CADM1: variants seen among roughly 807,000 people sequenced by gnomAD.
CADM1 encodes the protein TSLC-1.
In CADM1, 15 loss-of-function variants were observed where a neutral mutation model predicts 53.1. That is an observed-to-expected ratio of 0.28 (90% confidence interval 0.19 to 0.44). The LOEUF is 0.44. CADM1 is among the 20% of genes least tolerant of loss of function. CADM1 has a pLI of 1.00. For synonymous variants in CADM1, 281 were observed against 243.0 expected (o/e 1.16, Z -1.45); for missense variants, 434 against 611.3 (o/e 0.71, Z 3.06).
chr11:115,461,766 G>C (rs949556450), intron 1 of CADM1, among the ~76,000 whole-genome samples: 1 of 152,210 alleles, frequency 6.6e-6, no homozygotes, highest in Non-Finnish European at 1.5e-5. Flanking sequence ...CTTGGGAAGT[G>C]AGATAGTGAA....
chr11:115,431,644 A>G (rs1431326365), intron 1 of CADM1, among the ~76,000 whole-genome samples: 1 of 152,038 alleles, frequency 6.6e-6, no homozygotes, highest in Middle Eastern at 3.4e-3. Context: ...CTCTGCCCAG[A>G]TCTCTGACTC....
rs1443607606 is a variant in CADM1, at chr11:115,417,994, A to G, written c.124+86277T>C. Among the ~76,000 whole-genome samples, 10 of 152,326 alleles carry G rather than the reference A, an allele frequency of 6.6e-5. 1 individual carries two copies. The South Asian group carries it at 2.1e-3, about 32-fold the overall frequency. On this transcript the variant is annotated intron_variant, in intron 1 of 11. Coordinates refer to ENST00000331581, the MANE Select transcript of CADM1 (RefSeq NM_001301043.2). ...CACATTATGGTTTGGGTCTGACTAT[A>G]TAACATCTAATTCAGATGCGGATAA...
At chr11:115,278,942 G>A (rs1943515705) in intron 1 of CADM1, among the ~76,000 whole-genome samples, 1 of 152,196 alleles carries the variant, frequency 6.6e-6, no homozygotes, top group Non-Finnish European at 1.5e-5. Flanking sequence ...TACTGCCGAA[G>A]ATGGGAAGCC....
chr11:115,347,591 A>G (rs917860201), intron 1 of CADM1, among the ~76,000 whole-genome samples: 1 of 152,178 alleles, frequency 6.6e-6, no homozygotes, highest in Non-Finnish European at 1.5e-5. Context: ...CCTTTTTGAC[A>G]TGCAAGAAGA....
chr11:115,486,591 C>A (rs759528726), intron 1 of CADM1, among the ~76,000 whole-genome samples: 6 of 152,150 alleles, frequency 3.9e-5, no homozygotes, highest in Non-Finnish European at 5.9e-5. Context: ...GCAATCCTCC[C>A]ACCTAGGCCT....
chr11:115,239,713 G>GT (rs34524829), intron 2 of CADM1, among the ~76,000 whole-genome samples: 30,097 of 142,834 alleles, frequency 0.21, 3,339 homozygotes, highest in South Asian at 0.36. Context: ...ACAGTTTTTG[G>GT]TTTTTTTTTT....
intron 9 of CADM1, among the ~76,000 whole-genome samples, chr11:115,196,967 G>C (rs1940188551): frequency 6.6e-6 from 1 of 152,184 alleles, no homozygotes. Flanking sequence ...ACCTTAGAAA[G>C]TGGAAGTTTT....
chr11:115,184,035 G>C (rs566995570), intron 10 of CADM1, among the ~76,000 whole-genome samples: 1 of 152,120 alleles, frequency 6.6e-6, no homozygotes, highest in Non-Finnish European at 1.5e-5. Context: ...TCTCAGAATC[G>C]GTGTTTGTAA....
intron 1 of CADM1, among the ~76,000 whole-genome samples, chr11:115,441,540 T>C (rs997353492): frequency 9.2e-5 from 14 of 152,322 alleles, no homozygotes; most frequent in African/African-American, 1.4e-4. Context: ...GAAATAAAGA[T>C]ACATTGAGGA....
In CADM1 at chr11:115,328,725, TGTATATAC is replaced by T. The variant is rs1289694082; in HGVS notation, c.125-88313_125-88306del. Among the ~76,000 whole-genome samples, 517 of 114,136 alleles carry T rather than the reference TGTATATAC, an allele frequency of 4.5e-3. 24 individuals are homozygous for T. Among genetic ancestry groups the T allele is most frequent in the African/African-American group, 0.016 (485 of 29,922 alleles). 74.9% of individuals were successfully genotyped at this position (114,136 alleles called of 152,430 possible). A position where few individuals can be genotyped will look rare whatever the true frequency, so the allele number is the denominator to read the frequency against. On this transcript the variant is annotated intron_variant, in intron 1 of 11. Transcript: ENST00000331581. Reference sequence around the variant, plus strand: ...ATGTATATATATATGTGTATATATATGTATATACATATATATATATATAGAATCCAATC... The same window carrying T: ...ATGTATATATATATGTGTATATATATATATATATATATATAGAATCCAATC...
intron 1 of CADM1, among the ~76,000 whole-genome samples, chr11:115,353,388 A>G (rs1945786568): frequency 6.6e-6 from 1 of 152,244 alleles, no homozygotes; most frequent in Admixed American, 6.5e-5. Flanking sequence ...TAGCAAGTGC[A>G]ACTGTGGAAG....
intron 1 of CADM1, among the ~76,000 whole-genome samples, chr11:115,429,911 T>C (rs544685533): frequency 2.6e-5 from 4 of 152,076 alleles, no homozygotes; most frequent in Non-Finnish European, 5.9e-5. Context: ...TGTACTCCTC[T>C]TGAAAGGATG....
chr11:115,268,215 C>G (rs774689030), intron 1 of CADM1, among the ~76,000 whole-genome samples: 1 of 152,316 alleles, frequency 6.6e-6, no homozygotes, highest in Non-Finnish European at 1.5e-5. Flanking sequence ...CTATAGATAA[C>G]TACTAACAAT....
At chr11:115,193,296 C>A (rs1233109804) in intron 9 of CADM1, among the ~76,000 whole-genome samples, 1 of 152,136 alleles carries the variant, frequency 6.6e-6, no homozygotes, top group African/African-American at 2.4e-5. Flanking sequence ...CTAGTCACTG[C>A]TAATTAAAAT....
intron 1 of CADM1, among the ~76,000 whole-genome samples, chr11:115,425,276 G>A (rs1457694831): frequency 2.0e-5 from 3 of 152,278 alleles, no homozygotes; most frequent in African/African-American, 7.2e-5. Context: ...AGGAGGCTGC[G>A]AGTTTCTATT....
chr11:115,287,788 T>C (rs1943769857), intron 1 of CADM1, among the ~76,000 whole-genome samples: 1 of 152,198 alleles, frequency 6.6e-6, no homozygotes, highest in South Asian at 2.1e-4. Context: ...AAGATAGAAA[T>C]GATTCGCTCA....
At chr11:115,332,787 T>G (rs1047900294) in intron 1 of CADM1, among the ~76,000 whole-genome samples, 1 of 151,914 alleles carries the variant, frequency 6.6e-6, no homozygotes, top group Non-Finnish European at 1.5e-5. Flanking sequence ...CCTTGAGAAA[T>G]AAAAATATAA....
At chr11:115,495,522 C>A (rs1267086603) in intron 1 of CADM1, among the ~76,000 whole-genome samples, 1 of 152,162 alleles carries the variant, frequency 6.6e-6, no homozygotes, top group Non-Finnish European at 1.5e-5. Context: ...CTTACGATAA[C>A]AAATTTAGCA....
At chr11:115,489,096 G>A (rs971772600) in intron 1 of CADM1, among the ~76,000 whole-genome samples, 7 of 152,312 alleles carry the variant, frequency 4.6e-5, no homozygotes, top group Non-Finnish European at 1.0e-4. Flanking sequence ...CTAAAGTGAC[G>A]ATATAGCCTC....
Sources: allele counts gnomAD v4.1 joint callset (sites outside exome capture counted in the v4.1 genomes callset), GRCh38; gene constraint gnomAD v4.1.1; transcripts MANE v1.5; gene names NCBI Gene and HGNC (gene_info 2026-07-23, HGNC 2026-07-21).